The following PRKD1 variants were observed in gnomAD, a reference collection of about 807,000 sequenced individuals.
PRKD1 encodes serine/threonine-protein kinase D1.
Under a neutral mutation model 95.9 loss-of-function variants are expected in PRKD1, and 63 were observed. That is an observed-to-expected ratio of 0.66 (90% CI 0.54 to 0.81). The LOEUF (loss-of-function observed/expected upper bound fraction) is 0.81. PRKD1 is among the 30% of genes least tolerant of loss of function. PRKD1 has a pLI of 0.00. For missense variants in PRKD1, 1,048 were observed against 1,165.3 expected (o/e 0.90, Z 1.47); for synonymous variants, 425 against 423.1 (o/e 1.00, Z -0.05).
At chr14:29,798,104 T>C (rs1304859959) in intron 1 of PRKD1, among the ~76,000 whole-genome samples, 4 of 152,234 alleles carry the variant, frequency 2.6e-5, no homozygotes, top group Non-Finnish European at 5.9e-5. Flanking sequence ...GTTGTGAAGA[T>C]GTCAACAGAA....
chr14:29,616,243 CAAAAAAAA>C lies in PRKD1; in HGVS notation c.1905+7901_1905+7908del, dbSNP rs72142312. ...GAGCCTTAGAAATCAAGAGTATGGCCAAAAAAAAAAAAAAAAAAAAAAGCCATGTATTG... is the reference window on the plus strand; with the variant it reads ...GAGCCTTAGAAATCAAGAGTATGGCCAAAAAAAAAAAAAAGCCATGTATTG... On this transcript the variant is annotated intron_variant, in intron 13 of 17. Transcript: ENST00000331968. Among the ~76,000 whole-genome samples, 23 of 33,968 alleles carry C rather than the reference CAAAAAAAA, an allele frequency of 6.8e-4. 2 individuals carry two copies. The highest frequency in any genetic ancestry group is 2.4e-3 in the East Asian group (2 of 844). The allele number at this position is 33,968 out of a possible 152,430, so 22.3% of individuals were successfully genotyped here. A position where few individuals can be genotyped will look rare whatever the true frequency, so the allele number is the denominator to read the frequency against.
chr14:29,690,049 A>G (rs1884137886), intron 2 of PRKD1, among the ~76,000 whole-genome samples: 1 of 152,200 alleles, frequency 6.6e-6, no homozygotes, highest in Non-Finnish European at 1.5e-5. Context: ...TGATCTATAC[A>G]GCAAATCACC....
chr14:29,684,275 C>T (rs1594425661), intron 2 of PRKD1, among the ~76,000 whole-genome samples: 1 of 151,960 alleles, frequency 6.6e-6, no homozygotes, highest in Non-Finnish European at 1.5e-5. Flanking sequence ...CTCAGCCTCC[C>T]GAGTAGCTGG....
At chr14:29,918,830 C>T (rs1380831763) in intron 1 of PRKD1, among the ~76,000 whole-genome samples, 1 of 152,178 alleles carries the variant, frequency 6.6e-6, no homozygotes, top group Non-Finnish European at 1.5e-5. Context: ...CTACACTGAG[C>T]AATTGCTCAG....
chr14:29,654,001 G>A (rs1881681645), intron 4 of PRKD1, among the ~76,000 whole-genome samples: 1 of 151,966 alleles, frequency 6.6e-6, no homozygotes, highest in Non-Finnish European at 1.5e-5. Context: ...CTGTTGTTGG[G>A]AAGAGTATAA....
chr14:29,626,259 GT>G (rs1263109409), intron 12 of PRKD1, among the ~76,000 whole-genome samples: 2 of 152,006 alleles, frequency 1.3e-5, no homozygotes, highest in Non-Finnish European at 2.9e-5. Context: ...AAGAAAAAAT[GT>G]TTTTCAGGAA....
At chr14:29,873,914 AGT>A (rs1412118811) in intron 1 of PRKD1, among the ~76,000 whole-genome samples, 5 of 152,156 alleles carry the variant, frequency 3.3e-5, no homozygotes, top group African/African-American at 4.8e-5. Context: ...TTATGCCACT[AGT>A]GTGTGTGTTT....
Position 29,826,828 on chromosome 14 carries a change from T to TATATATAC in PRKD1, c.264+100420_264+100421insGTATATAT, listed in dbSNP as rs1566623095. ...ACATATATATACACATATATATATA[T>TATATATAC]ATATATATATACACACATATATATA... On this transcript the variant is annotated intron_variant, in intron 1 of 17. Coordinates refer to ENST00000331968, the MANE Select transcript of PRKD1 (RefSeq NM_002742.3). 1.0e-3 allele frequency among the ~76,000 whole-genome samples: 36 copies of TATATATAC among 35,288 alleles called. 8 individuals are homozygous for TATATATAC. Among genetic ancestry groups the TATATATAC allele is most frequent in the Non-Finnish European group, 1.8e-3 (34 of 18,846 alleles). The allele number at this position is 35,288 out of a possible 152,430, so 23.2% of individuals were successfully genotyped here.
chr14:29,583,719 T>C (rs1274028527), intron 16 of PRKD1, among the ~76,000 whole-genome samples: 2 of 152,142 alleles, frequency 1.3e-5, no homozygotes, highest in African/African-American at 4.8e-5. Flanking sequence ...TTTTAAACAA[T>C]TGTATGGTGT....
At chr14:29,653,592 T>C (rs995719796) in intron 4 of PRKD1, among the ~76,000 whole-genome samples, 91 of 152,144 alleles carry the variant, frequency 6.0e-4, no homozygotes, top group Non-Finnish European at 1.8e-4. Flanking sequence ...GAAAAGGTCA[T>C]TCTCCTCAAC....
chr14:29,592,529 T>A (rs994865552), intron 16 of PRKD1, among the ~76,000 whole-genome samples: 1 of 152,112 alleles, frequency 6.6e-6, no homozygotes, highest in Non-Finnish European at 1.5e-5. Context: ...AATTGTAGTT[T>A]TATATATATG....
At position 29,780,584 on chromosome 14, in the gene PRKD1, A is replaced by T. The variant is rs545434993; in HGVS notation, c.265-54910T>A. The stretch of plus-strand genomic sequence containing the variant: ...CAGAGAAATGCAAATCAAAACCACA[A>T]TCAGATACCAGCTCACACCAGTTAG... On this transcript the variant is annotated intron_variant, in intron 1 of 17. Transcript: ENST00000331968. Among the ~76,000 whole-genome samples, 4 of 152,336 alleles carry T rather than the reference A, an allele frequency of 2.6e-5. No individual in the cohort carries two copies. The South Asian group carries it at 8.3e-4, about 32-fold the overall frequency.
At position 29,638,689 on chromosome 14, in the gene PRKD1, C is replaced by T; in HGVS notation, c.907+5G>A. On this transcript the variant is annotated splice_donor_5th_base_variant and intron_variant, in intron 5 of 17. Transcript: ENST00000331968. ...AAGTTCGACAGGTGACAAAATCATC[C>T]TTACCTTTGCACTGCAAGCCCTGCC... 6.2e-7 allele frequency: 1 copy of T among 1,613,960 alleles called. No individual in the cohort carries two copies.
Position 29,634,506 on chromosome 14 carries a change from A to G in PRKD1, c.1226T>C (p.Val409Ala). ...STSNNIPLMR[V>A]VQSVKHTKRK... ...CTTCGTGTGTTTGACAGACTGCACT[A>G]CCCTCATGAGTGGGATATTGTTGCT... is the stretch of plus-strand genomic sequence containing the variant. Residue 409 changes from valine to alanine, a missense_variant, in exon 8 of 18, where the codon GTA (valine) becomes GCA (alanine). By Grantham distance (64) the Val-to-Ala change is moderately conservative (BLOSUM62 0). This residue lies in a region of PRKD1 where 739 missense variants were observed against 861.9 expected (regional missense o/e 0.86). Transcript: ENST00000331968. 6.2e-7 allele frequency: 1 copy of G among 1,613,910 alleles called. No individual in the cohort carries two copies. The highest frequency in any genetic ancestry group is 8.5e-7 in the Non-Finnish European group (1 of 1,179,930).
intron 1 of PRKD1, among the ~76,000 whole-genome samples, chr14:29,755,017 A>G (rs1054697401): frequency 2.2e-4 from 33 of 152,108 alleles, no homozygotes; most frequent in African/African-American, 7.5e-4. Flanking sequence ...AATTATGTTA[A>G]TTCCTACATA....
chr14:29,592,055 CA>C (rs1008159444), intron 16 of PRKD1, among the ~76,000 whole-genome samples: 9 of 151,980 alleles, frequency 5.9e-5, no homozygotes, highest in African/African-American at 2.2e-4. Context: ...AATAGGTACA[CA>C]AGTTCTTTCA....
chr14:29,577,898 C>T (rs939054548), intron 17 of PRKD1, among the ~76,000 whole-genome samples: 1 of 152,042 alleles, frequency 6.6e-6, no homozygotes, highest in Non-Finnish European at 1.5e-5. Flanking sequence ...TAAATGAGTA[C>T]AGTGCATGAC....
At chr14:29,651,432 G>A (rs936346279) in intron 4 of PRKD1, among the ~76,000 whole-genome samples, 1 of 152,084 alleles carries the variant, frequency 6.6e-6, no homozygotes, top group African/African-American at 2.4e-5. Flanking sequence ...CACTCTTTTT[G>A]AGAAGGCAAG....
At chr14:29,583,440 C>T (rs1395154449) in intron 16 of PRKD1, among the ~76,000 whole-genome samples, 1 of 152,120 alleles carries the variant, frequency 6.6e-6, no homozygotes, top group Non-Finnish European at 1.5e-5. Context: ...AGGAGTAAAA[C>T]AGGCAGTGGC....
Sources: gnomAD v4.1 joint callset for allele counts (sites outside exome capture counted in the v4.1 genomes callset) on GRCh38, gnomAD v4.1.1 for gene constraint, gnomAD v4.1.1 regional missense constraint, MANE v1.5 for transcripts, NCBI Gene and HGNC (gene_info 2026-07-23, HGNC 2026-07-21) for gene names.